Variants in RMDN2 observed in about 807,000 individuals in gnomAD.
The protein encoded by RMDN2 is regulator of microtubule dynamics 2, also known as regulator of microtubule dynamics protein 2.
RMDN2 carries 61 observed loss-of-function variants against 52.8 expected under a neutral mutation model. That is an observed-to-expected ratio of 1.16 (90% CI 0.94 to 1.43). RMDN2 has a LOEUF of 1.43. Ranked by LOEUF, RMDN2 falls within the 40% of genes most tolerant of loss-of-function variation. The pLI is 0.00. For synonymous variants in RMDN2, 180 were observed against 153.1 expected (o/e 1.18, Z -1.30); for missense variants, 592 against 475.3 (o/e 1.25, Z -2.28).
upstream of RMDN2, among the ~76,000 whole-genome samples, chr2:37,921,699 G>A (rs928832653): frequency 3.9e-5 from 6 of 152,092 alleles, no homozygotes; most frequent in Admixed American, 6.5e-5. Flanking sequence ...AGGGTCTGGG[G>A]GTCCAAGATG....
chr2:37,996,380 T>C (rs1353566159), intron 7 of RMDN2, among the ~76,000 whole-genome samples: 1 of 151,120 alleles, frequency 6.6e-6, no homozygotes, highest in African/African-American at 2.4e-5. Context: ...AGCCCAGGAG[T>C]TCAGGACCAG....
chr2:38,028,362 A>G (rs1679934856), intron 10 of RMDN2, among the ~76,000 whole-genome samples: 1 of 152,264 alleles, frequency 6.6e-6, no homozygotes, highest in East Asian at 1.9e-4. Context: ...TAGTACATCT[A>G]GAATACTTTC....
intron 4 of RMDN2, among the ~76,000 whole-genome samples, chr2:37,979,732 A>G (rs1006300399): frequency 2.0e-5 from 3 of 152,340 alleles, no homozygotes; most frequent in African/African-American, 2.4e-5. Context: ...GAGGCTATGA[A>G]TCTAGTTTGT....
chr2:37,991,060 G>C (rs531777625), intron 6 of RMDN2, among the ~76,000 whole-genome samples, 160 bp from the exon 7 acceptor site: 1 of 152,226 alleles, frequency 6.6e-6, no homozygotes, highest in South Asian at 2.1e-4. Context: ...ATCATTTTTG[G>C]TAATTTAGTT....
At chr2:37,972,865 A>G (rs1671987024) in intron 2 of RMDN2, among the ~76,000 whole-genome samples, 1 of 152,238 alleles carries the variant, frequency 6.6e-6, no homozygotes. Context: ...AGCAATTGGA[A>G]GAGTAGAGTT....
intron 10 of RMDN2, 58 bp downstream of exon 10, chr2:38,004,274 A>C (rs1324713175): frequency 1.4e-5 from 15 of 1,103,242 alleles, no homozygotes; most frequent in Non-Finnish European, 1.9e-5. Flanking sequence ...TCGAGCTCAA[A>C]ACAGGAATAA....
chr2:38,065,546 T>C (rs1682237816), intron 10 of RMDN2, among the ~76,000 whole-genome samples: 1 of 152,212 alleles, frequency 6.6e-6, no homozygotes, highest in Admixed American at 6.5e-5. Flanking sequence ...CCAGTCATTC[T>C]GTTTGCAAAG....
intron 2 of RMDN2, chr2:37,963,317 C>CTTTT (rs60052181): frequency 4.3e-5 from 5 of 115,586 alleles, no homozygotes; most frequent in South Asian, 2.9e-4. Context: ...ACGTGAGTTT[C>CTTTT]TTTTTTTTTT....
intron 5 of RMDN2, among the ~76,000 whole-genome samples, chr2:37,988,867 A>C (rs546811037): frequency 6.6e-6 from 1 of 152,336 alleles, no homozygotes; most frequent in Non-Finnish European, 1.5e-5. Flanking sequence ...ACTTAAAGTC[A>C]AATAACTATT....
intron 7 of RMDN2, among the ~76,000 whole-genome samples, chr2:37,996,753 C>T (rs144131481): frequency 7.0e-4 from 107 of 152,098 alleles, no homozygotes; most frequent in African/African-American, 2.3e-3. Flanking sequence ...TTAGAATGAA[C>T]ATCTAATATT....
chr2:37,975,931 TAGAC>T (rs1167830818), intron 4 of RMDN2, among the ~76,000 whole-genome samples: 1 of 152,200 alleles, frequency 6.6e-6, no homozygotes, highest in Non-Finnish European at 1.5e-5. Flanking sequence ...TTATAAAACT[TAGAC>T]AAGAAATGTA....
chr2:38,061,878 G>A (rs566849572), intron 10 of RMDN2, among the ~76,000 whole-genome samples: 74 of 152,262 alleles, frequency 4.9e-4, no homozygotes, highest in Non-Finnish European at 8.2e-4. Context: ...TCATCCCAAA[G>A]GCTGGTATTC....
At chr2:37,964,495 T>G (rs974501581) in intron 2 of RMDN2, among the ~76,000 whole-genome samples, 14 of 152,228 alleles carry the variant, frequency 9.2e-5, no homozygotes, top group Non-Finnish European at 2.1e-4. Flanking sequence ...ATTTTCCAGT[T>G]TTTCTTCTGC....
chr2:38,003,600 A>ATAGATAGATAGG (rs1311628817), intron 8 of RMDN2, among the ~76,000 whole-genome samples: 1 of 150,750 alleles, frequency 6.6e-6, no homozygotes, highest in Non-Finnish European at 1.5e-5. Context: ...AGATAGATAG[A>ATAGATAGATAGG]TAGGCAGACA....
intron 2 of RMDN2, among the ~76,000 whole-genome samples, chr2:37,959,353 A>G (rs950044203): frequency 6.6e-6 from 1 of 150,890 alleles, no homozygotes; most frequent in Non-Finnish European, 1.5e-5. Context: ...CTATTCAGGG[A>G]TTTGACTTCT....
intron 1 of RMDN2, among the ~76,000 whole-genome samples, chr2:37,927,755 G>C (rs180955976): frequency 6.6e-6 from 1 of 152,330 alleles, no homozygotes; most frequent in Non-Finnish European, 1.5e-5. Flanking sequence ...AATGGGCATA[G>C]AGTGACTTAT....
intron 10 of RMDN2, among the ~76,000 whole-genome samples, chr2:38,055,648 T>G (rs1389724593): frequency 1.3e-5 from 2 of 152,166 alleles, no homozygotes; most frequent in Non-Finnish European, 2.9e-5. Flanking sequence ...ACAAGATCAC[T>G]GCAGGAGTCA....
At chr2:37,985,346 C>G (rs755249099) in intron 5 of RMDN2, among the ~76,000 whole-genome samples, 1 of 151,928 alleles carries the variant, frequency 6.6e-6, no homozygotes, top group Non-Finnish European at 1.5e-5. Flanking sequence ...AGAACCAAGA[C>G]AGATTTTTCT....
At chr2:37,941,185 C>T (rs1667753507) in intron 2 of RMDN2, among the ~76,000 whole-genome samples, 1 of 152,192 alleles carries the variant, frequency 6.6e-6, no homozygotes, top group East Asian at 1.9e-4. Flanking sequence ...TGCTGGGAGT[C>T]CACTGTAGAC....
Sources: gnomAD v4.1 joint callset for allele counts (sites outside exome capture counted in the v4.1 genomes callset) on GRCh38, gnomAD v4.1.1 for gene constraint, MANE v1.5 for transcripts, NCBI Gene and HGNC (gene_info 2026-07-23, HGNC 2026-07-21) for gene names.